Variants in NAV2 observed in about 807,000 individuals in gnomAD.
NAV2 encodes helicase, APC down-regulated 1.
In NAV2, 54 loss-of-function variants were observed where a neutral mutation model predicts 223.2. The observed-to-expected ratio is 0.24, with a 90% confidence interval of 0.19 to 0.30. The LOEUF is 0.30. Ranked by LOEUF, NAV2 falls within the 10% of genes least tolerant of loss-of-function variation. The pLI is 1.00. For missense variants in NAV2, 2,806 were observed against 3,147.5 expected (o/e 0.89, Z 2.60); for synonymous variants, 1,279 against 1,239.3 (o/e 1.03, Z -0.67).
chr11:19,556,158 A>G (rs1041910464), intron 1 of NAV2, among the ~76,000 whole-genome samples: 2 of 152,208 alleles, frequency 1.3e-5, no homozygotes, highest in African/African-American at 4.8e-5. Flanking sequence ...GCCTAAGGAA[A>G]TAATCTAAAA....
chr11:19,880,741 C>T (rs531719956), intron 5 of NAV2, among the ~76,000 whole-genome samples: 1 of 152,058 alleles, frequency 6.6e-6, no homozygotes, highest in South Asian at 2.1e-4. Context: ...GGGGGACTGA[C>T]GTTTGCCAGT....
chr11:19,380,131 A>G (rs1244653043), intron 1 of NAV2, among the ~76,000 whole-genome samples: 1 of 152,170 alleles, frequency 6.6e-6, no homozygotes, highest in African/African-American at 2.4e-5. Context: ...GCAGTTAACC[A>G]TGTAAGTGGA....
chr11:19,471,277 A>G (rs2041956807), intron 1 of NAV2, among the ~76,000 whole-genome samples: 1 of 152,148 alleles, frequency 6.6e-6, no homozygotes, highest in African/African-American at 2.4e-5. Flanking sequence ...CCAAGTCTCC[A>G]TTTATTCATC....
intron 11 of NAV2, among the ~76,000 whole-genome samples, chr11:19,985,882 C>T (rs1413104480): frequency 6.6e-6 from 1 of 151,998 alleles, no homozygotes; most frequent in Non-Finnish European, 1.5e-5. Context: ...GGGCTGAGAA[C>T]TGCTCTTACT....
intron 1 of NAV2, among the ~76,000 whole-genome samples, chr11:19,831,231 G>T (rs149814815): frequency 1.4e-4 from 14 of 101,998 alleles, no homozygotes; most frequent in Non-Finnish European, 2.6e-4. Context: ...TGCGGGGGGG[G>T]GGGGGGCGCG....
chr11:19,584,326 C>A lies in NAV2; in HGVS notation c.75+233299C>A, dbSNP rs573943949. Among the ~76,000 whole-genome samples the A allele has an allele frequency of 4.6e-5, 7 of 152,224 alleles. No homozygotes were observed. In the East Asian group the frequency reaches 1.4e-3, roughly 29 times the overall value. On this transcript the variant is annotated intron_variant, in intron 1 of 37. Coordinates refer to the NAV2 transcript ENST00000360655. ...CGATTTTATTGATCTTTGCAAAAAA[C>A]CAGCTCCTGGATTCATTGATTTTTT...
intron 11 of NAV2, among the ~76,000 whole-genome samples, chr11:19,997,601 A>G (rs2153477194): frequency 6.6e-6 from 1 of 152,298 alleles, no homozygotes; most frequent in East Asian, 1.9e-4. Context: ...GGAATTATCC[A>G]TATTTCACAA....
chr11:19,935,416 C>T (rs1801744728), intron 7 of NAV2, among the ~76,000 whole-genome samples: 3 of 152,210 alleles, frequency 2.0e-5, no homozygotes, highest in African/African-American at 7.2e-5. Context: ...TACATTCATA[C>T]ATAAAATGCA....
intron 1 of NAV2, among the ~76,000 whole-genome samples, chr11:19,748,518 A>G (rs1271083120): frequency 1.3e-5 from 2 of 152,220 alleles, no homozygotes; most frequent in African/African-American, 4.8e-5. Context: ...TAGTTATAAT[A>G]CATACACCAC....
chr11:19,762,819 A>G (rs1590363839), intron 1 of NAV2, among the ~76,000 whole-genome samples: 1 of 151,878 alleles, frequency 6.6e-6, no homozygotes, highest in East Asian at 1.9e-4. Context: ...TCACCATGTT[A>G]GCCAGGATGG....
At chr11:19,642,924 T>G (rs1485845895) in intron 1 of NAV2, among the ~76,000 whole-genome samples, 1 of 152,144 alleles carries the variant, frequency 6.6e-6, no homozygotes. Flanking sequence ...AACCCTTGCA[T>G]CAGGTGGTAG....
intron 1 of NAV2, among the ~76,000 whole-genome samples, chr11:19,472,505 T>C (rs953696203): frequency 1.3e-5 from 2 of 152,194 alleles, no homozygotes; most frequent in African/African-American, 4.8e-5. Flanking sequence ...GCTGTTATTA[T>C]TGAGCCTGGA....
chr11:19,855,021 A>G (rs2061341773), intron 3 of NAV2, among the ~76,000 whole-genome samples: 1 of 152,054 alleles, frequency 6.6e-6, no homozygotes, highest in Admixed American at 6.6e-5. Flanking sequence ...AACACTTCCT[A>G]TTGTGTTCAA....
chr11:20,113,155 T>A (rs1191112567), intron 36 of NAV2, among the ~76,000 whole-genome samples: 5 of 152,222 alleles, frequency 3.3e-5, no homozygotes, highest in Admixed American at 3.3e-4. Flanking sequence ...TTGAACATAC[T>A]TAGTTTCCAA....
At chr11:19,745,087 G>A (rs1402685456) in intron 1 of NAV2, among the ~76,000 whole-genome samples, 1 of 152,204 alleles carries the variant, frequency 6.6e-6, no homozygotes, top group Non-Finnish European at 1.5e-5. Context: ...ACCAGCACTA[G>A]GAGTAGAAAT....
chr11:19,925,635 C>G (rs918227187), intron 6 of NAV2, among the ~76,000 whole-genome samples: 6 of 151,788 alleles, frequency 4.0e-5, no homozygotes, highest in Admixed American at 3.9e-4. Flanking sequence ...TATAATCCCA[C>G]TATTCAGGAG....
At chr11:19,754,420 G>A (rs1041587123) in intron 1 of NAV2, among the ~76,000 whole-genome samples, 5 of 152,124 alleles carry the variant, frequency 3.3e-5, no homozygotes, top group African/African-American at 1.2e-4. Flanking sequence ...TTGAAGGCTG[G>A]GTAGGATTCA....
At chr11:20,081,856 T>C (rs970572166) in intron 25 of NAV2, among the ~76,000 whole-genome samples, 2 of 152,228 alleles carry the variant, frequency 1.3e-5, no homozygotes, top group African/African-American at 4.8e-5. Flanking sequence ...GTTTTCAAGA[T>C]GAAACATTAG....
intron 17 of NAV2, among the ~76,000 whole-genome samples, chr11:20,053,853 T>C (rs2058185350): frequency 6.6e-6 from 1 of 152,184 alleles, no homozygotes; most frequent in Admixed American, 6.5e-5. Flanking sequence ...CTTCCCTTTA[T>C]GTGTTCCCTC....
Sources: gnomAD v4.1 joint callset for allele counts (sites outside exome capture counted in the v4.1 genomes callset) on GRCh38, gnomAD v4.1.1 for gene constraint, MANE v1.5 for transcripts, NCBI Gene and HGNC (gene_info 2026-07-23, HGNC 2026-07-21) for gene names.